Variants in RANBP2 observed in about 807,000 individuals in gnomAD.
The protein encoded by RANBP2 is RAN binding protein 2.
In RANBP2, 57 loss-of-function variants were observed where a neutral mutation model predicts 303.6. The ratio of observed to expected loss-of-function variants is 0.19; its 90% CI spans 0.15 to 0.23. The LOEUF is 0.23. RANBP2 is among the 10% of genes least tolerant of loss of function. The probability of loss-of-function intolerance (pLI) is 1.00; values close to 1 mark genes in which losing one functional copy is unlikely to be tolerated. For synonymous variants in RANBP2, 1,167 were observed against 1,301.5 expected (o/e 0.90, Z 2.23); for missense variants, 3,138 against 3,780.8 (o/e 0.83, Z 4.46).
the RANBP2 span, among the ~76,000 whole-genome samples, chr2:109,251,070 C>T: frequency 9.2e-5 from 14 of 151,792 alleles, no homozygotes; most frequent in East Asian, 3.9e-4. Flanking sequence ...GGCATGATCT[C>T]GGCTCATGGC....
At chr2:108,907,773 A>C in the RANBP2 span, 1 of 1,496,920 alleles carries the variant, frequency 6.7e-7, no homozygotes, top group Non-Finnish European at 9.3e-7. Flanking sequence ...GTCTTGCAGG[A>C]GAGCTGATTC....
the RANBP2 span, among the ~76,000 whole-genome samples, chr2:109,271,845 A>G: frequency 1.3e-5 from 2 of 152,246 alleles, no homozygotes; most frequent in South Asian, 2.1e-4. Context: ...TAAGTATCCT[A>G]TAACTGGAGT....
the RANBP2 span, among the ~76,000 whole-genome samples, chr2:109,078,937 G>A: frequency 5.3e-5 from 8 of 151,930 alleles, no homozygotes; most frequent in Non-Finnish European, 1.2e-4. Flanking sequence ...CTTGCAGTGA[G>A]CCGAGATCGC....
At chr2:109,720,616 TGTGCCAAATGTAAATTCTC>T in the RANBP2 span, among the ~76,000 whole-genome samples, 1 of 152,166 alleles carries the variant, frequency 6.6e-6, no homozygotes, top group African/African-American at 2.4e-5. Context: ...AAGAACTTGG[TGTGCCAAATGTAAATTCTC>T]AAGGCAGGGA....
the RANBP2 span, among the ~76,000 whole-genome samples, chr2:109,647,155 C>CTTTT: frequency 5.4e-3 from 388 of 71,520 alleles, 46 homozygotes; most frequent in African/African-American, 0.02. Flanking sequence ...GCTCTCCTCA[C>CTTTT]TTTTTTTTTT....
chr2:109,201,916 C>G, the RANBP2 span, among the ~76,000 whole-genome samples: 1 of 152,324 alleles, frequency 6.6e-6, no homozygotes, highest in East Asian at 1.9e-4. Flanking sequence ...GAAATCAATA[C>G]AAGGACCCGT....
At chr2:109,214,286 C>A in the RANBP2 span, among the ~76,000 whole-genome samples, 3 of 152,034 alleles carry the variant, frequency 2.0e-5, no homozygotes, top group Admixed American at 6.6e-5. Flanking sequence ...AAAGCTGGGG[C>A]AGAAGGGCTT....
the RANBP2 span, among the ~76,000 whole-genome samples, chr2:109,685,959 T>C: frequency 6.6e-6 from 1 of 152,142 alleles, no homozygotes; most frequent in Non-Finnish European, 1.5e-5. Context: ...AGGGAAGATA[T>C]ATGGGTGTTT....
the RANBP2 span, among the ~76,000 whole-genome samples, chr2:108,893,926 T>A: frequency 6.6e-6 from 1 of 152,186 alleles, no homozygotes; most frequent in Non-Finnish European, 1.5e-5. Context: ...GCACATGTAT[T>A]CCCATTGCAA....
the RANBP2 span, among the ~76,000 whole-genome samples, chr2:109,350,644 G>A: frequency 2.0e-5 from 3 of 152,176 alleles, no homozygotes; most frequent in Non-Finnish European, 2.9e-5. Flanking sequence ...GTGACTCTCC[G>A]CTCAGTTCCT....
the RANBP2 span, among the ~76,000 whole-genome samples, chr2:108,838,586 T>C: frequency 4.6e-5 from 7 of 152,226 alleles, no homozygotes; most frequent in African/African-American, 1.7e-4. Context: ...CTGAAATCAT[T>C]TAGCAAAATG....
intron 24 of RANBP2, 70 bp from the exon 25 acceptor site, chr2:108,777,060 A>G: frequency 8.3e-7 from 1 of 1,207,582 alleles, no homozygotes; most frequent in South Asian, 1.2e-5. Context: ...TGTTCTCTCT[A>G]GGTCCTGGGG....
the RANBP2 span, among the ~76,000 whole-genome samples, chr2:109,414,892 A>G: frequency 6.6e-6 from 1 of 152,230 alleles, no homozygotes; most frequent in Non-Finnish European, 1.5e-5. Flanking sequence ...ACACATGTCC[A>G]AGTGCTGATC....
At chr2:108,878,965 T>C in the RANBP2 span, among the ~76,000 whole-genome samples, 1 of 152,158 alleles carries the variant, frequency 6.6e-6, no homozygotes, top group Admixed American at 6.5e-5. Flanking sequence ...AAAAATAGAA[T>C]GACAGGAATG....
the RANBP2 span, among the ~76,000 whole-genome samples, chr2:109,663,845 G>T: frequency 6.6e-6 from 1 of 152,188 alleles, no homozygotes; most frequent in African/African-American, 2.4e-5. Context: ...GACGTGTCTA[G>T]GAGTCATTTC....
At chr2:108,836,632 A>T in the RANBP2 span, among the ~76,000 whole-genome samples, 1 of 152,214 alleles carries the variant, frequency 6.6e-6, no homozygotes, top group Non-Finnish European at 1.5e-5. Context: ...GATGACATTG[A>T]ATCTGTAGAT....
At chr2:108,906,714 G>A in the RANBP2 span, among the ~76,000 whole-genome samples, 1 of 152,336 alleles carries the variant, frequency 6.6e-6, no homozygotes, top group East Asian at 1.9e-4. Flanking sequence ...AGCCGTGCGG[G>A]GCTCCCATCC....
At chr2:108,792,829 CCGAGGCGGGTGGATCA>C in the RANBP2 span, among the ~76,000 whole-genome samples, 1 of 152,098 alleles carries the variant, frequency 6.6e-6, no homozygotes, top group East Asian at 1.9e-4. Flanking sequence ...CTTTGGGAGG[CCGAGGCGGGTGGATCA>C]CGAGGTCAGG....
rs1573833135 is a variant in RANBP2, at chr2:108,772,482, T to C, written c.8021-7T>C. ...CTAGAAATTCTTTTAATCAATTGTATTTTAAGATGAAGATTTCGAAACAGC... is the reference window on the plus strand; with the variant it reads ...CTAGAAATTCTTTTAATCAATTGTACTTTAAGATGAAGATTTCGAAACAGC... On this transcript the variant is annotated splice_region_variant and splice_polypyrimidine_tract_variant and intron_variant, in intron 21 of 28. Coordinates refer to ENST00000283195, the MANE Select transcript of RANBP2 (RefSeq NM_006267.5). The C allele has an allele frequency of 1.9e-6, 3 of 1,610,428 alleles. No individual in the cohort carries two copies.
Sources: gnomAD v4.1 joint callset for allele counts (sites outside exome capture counted in the v4.1 genomes callset) on GRCh38, gnomAD v4.1.1 for gene constraint, MANE v1.5 for transcripts, NCBI Gene and HGNC (gene_info 2026-07-23, HGNC 2026-07-21) for gene names.